The following NRXN3 variants were observed in gnomAD, a reference collection of about 807,000 sequenced individuals.
NRXN3 encodes neurexin 3, also known as neurexin III.
NRXN3 carries 32 observed loss-of-function variants against 137.6 expected under a neutral mutation model. That is an observed-to-expected ratio of 0.23 (90% CI 0.18 to 0.31). NRXN3 has a LOEUF of 0.31. NRXN3 is among the 10% of genes least tolerant of loss of function. The probability of loss-of-function intolerance (pLI) is 1.00; values close to 1 mark genes in which losing one functional copy is unlikely to be tolerated. For missense variants in NRXN3, 1,574 were observed against 2,062.5 expected, an observed-to-expected ratio of 0.76 and a Z score of 4.59; for synonymous variants, 798 against 784.5, an observed-to-expected ratio of 1.02 and a Z score of -0.29.
chr14:79,459,667 T>C (rs1282832649), intron 15 of NRXN3, among the ~76,000 whole-genome samples: 1 of 151,910 alleles, frequency 6.6e-6, no homozygotes, highest in Admixed American at 6.6e-5. Flanking sequence ...AAGTGAAAAA[T>C]ATAGAGTTTT....
At chr14:78,994,182 G>A (rs752888237) in intron 15 of NRXN3, among the ~76,000 whole-genome samples, 5 of 152,018 alleles carry the variant, frequency 3.3e-5, no homozygotes, top group Non-Finnish European at 7.4e-5. Context: ...TAGGTTCAAA[G>A]CAAACATGGT....
At chr14:79,522,734 G>A (rs77277722) in intron 16 of NRXN3, among the ~76,000 whole-genome samples, 2,397 of 152,130 alleles carry the variant, frequency 0.016, 30 homozygotes, top group East Asian at 0.054. Flanking sequence ...CTGTGATCTC[G>A]CAGTTTCAAG....
intron 15 of NRXN3, among the ~76,000 whole-genome samples, chr14:79,223,753 T>G (rs1261080688): frequency 6.6e-6 from 1 of 152,142 alleles, no homozygotes; most frequent in Admixed American, 6.6e-5. Context: ...TTACAGATTA[T>G]CAACATTATA....
intron 10 of NRXN3, 108 bp downstream of exon 10, chr14:78,810,452 T>G: frequency 3.1e-6 from 1 of 320,176 alleles, no homozygotes; most frequent in Non-Finnish European, 5.0e-6. Flanking sequence ...TATTTTTTCT[T>G]TTAACAATGG....
intron 16 of NRXN3, among the ~76,000 whole-genome samples, chr14:79,491,396 C>T (rs1268920450): frequency 6.6e-6 from 1 of 152,086 alleles, no homozygotes; most frequent in Non-Finnish European, 1.5e-5. Flanking sequence ...AAGATGAAAC[C>T]AAGAGATTGT....
chr14:79,059,250 CTTT>C (rs869266975), intron 15 of NRXN3, among the ~76,000 whole-genome samples: 17 of 78,286 alleles, frequency 2.2e-4, no homozygotes, highest in African/African-American at 5.1e-4. Flanking sequence ...AGGCCCTATT[CTTT>C]TTTTTTTTTT....
intron 4 of NRXN3, among the ~76,000 whole-genome samples, chr14:78,509,804 A>G (rs1599660851): frequency 6.6e-6 from 1 of 151,820 alleles, no homozygotes; most frequent in African/African-American, 2.4e-5. Context: ...ACCTGCTTGA[A>G]CCCCAGCATG....
At chr14:78,193,418 G>T (rs921354809) in intron 1 of NRXN3, among the ~76,000 whole-genome samples, 10 of 152,122 alleles carry the variant, frequency 6.6e-5, no homozygotes, top group African/African-American at 2.4e-4. Flanking sequence ...AAGAGTCAGG[G>T]CAGTGTTAGG....
At position 78,542,789 on chromosome 14, in the gene NRXN3, A is replaced by C. The variant is rs140396862; in HGVS notation, c.758-102331A>C. ...CTGCATCGATCACACTGGGAGCTGC[A>C]GACTGGAGCTGTTACTATTTGGCCA... On this transcript the variant is annotated intron_variant, in intron 4 of 20. Coordinates refer to ENST00000335750, the MANE Select transcript of NRXN3 (RefSeq NM_001330195.2). 4.0e-3 allele frequency among the ~76,000 whole-genome samples: 616 copies of C among 152,310 alleles called. 3 individuals are homozygous for C. Among genetic ancestry groups the C allele is most frequent in the Non-Finnish European group, 6.7e-3 (453 of 68,026 alleles).
intron 16 of NRXN3, among the ~76,000 whole-genome samples, chr14:79,473,849 A>G (rs2096536379): frequency 6.8e-6 from 1 of 147,738 alleles, no homozygotes; most frequent in South Asian, 2.1e-4. Flanking sequence ...TTGTCTCTCC[A>G]GCTTTCAGCT....
intron 4 of NRXN3, among the ~76,000 whole-genome samples, chr14:78,434,977 A>T (rs1339062984): frequency 6.6e-6 from 1 of 152,206 alleles, no homozygotes; most frequent in Non-Finnish European, 1.5e-5. Context: ...GCAGGCGGCT[A>T]AAGCCATTCA....
chr14:78,381,533 A>G (rs969440867), intron 4 of NRXN3, among the ~76,000 whole-genome samples: 1 of 152,168 alleles, frequency 6.6e-6, no homozygotes, highest in Non-Finnish European at 1.5e-5. Context: ...TAAAAACTAA[A>G]CATGCAATAA....
intron 1 of NRXN3, among the ~76,000 whole-genome samples, chr14:78,188,213 T>G (rs1194013369): frequency 6.6e-6 from 1 of 152,134 alleles, no homozygotes; most frequent in South Asian, 2.1e-4. Context: ...AGAAAAAGAT[T>G]GTAGTCTAAC....
chr14:78,649,778 G>A (rs897496316), intron 5 of NRXN3, among the ~76,000 whole-genome samples: 2 of 151,092 alleles, frequency 1.3e-5, no homozygotes, highest in South Asian at 2.1e-4. Flanking sequence ...ATATGGCCAC[G>A]GCTGCCACAG....
intron 15 of NRXN3, among the ~76,000 whole-genome samples, chr14:79,085,872 A>G (rs2152779848): frequency 6.6e-6 from 1 of 152,302 alleles, no homozygotes; most frequent in East Asian, 1.9e-4. Context: ...TGGTTTCCCT[A>G]TGGGCGGATA....
intron 4 of NRXN3, among the ~76,000 whole-genome samples, chr14:78,304,759 G>A (rs549077437): frequency 1.3e-5 from 2 of 152,298 alleles, no homozygotes; most frequent in South Asian, 2.1e-4. Flanking sequence ...TGTAAGAGAA[G>A]CAATAGGTCA....
intron 10 of NRXN3, among the ~76,000 whole-genome samples, chr14:78,922,923 A>G (rs1344804462): frequency 6.6e-6 from 1 of 152,208 alleles, no homozygotes; most frequent in Non-Finnish European, 1.5e-5. Flanking sequence ...AGTTTTGCAG[A>G]CATTGTCACA....
intron 16 of NRXN3, among the ~76,000 whole-genome samples, chr14:79,512,355 T>C (rs1402752905): frequency 6.6e-6 from 1 of 152,192 alleles, no homozygotes; most frequent in African/African-American, 2.4e-5. Flanking sequence ...ATCCATAAAA[T>C]GGAGATAATT....
intron 10 of NRXN3, among the ~76,000 whole-genome samples, chr14:78,937,367 C>T (rs929683451): frequency 6.6e-6 from 1 of 152,100 alleles, no homozygotes; most frequent in Admixed American, 6.6e-5. Context: ...GATGCCTCTG[C>T]TGCTGAAATT....
Sources: gnomAD v4.1 joint callset for allele counts (sites outside exome capture counted in the v4.1 genomes callset) on GRCh38, gnomAD v4.1.1 for gene constraint, MANE v1.5 for transcripts, NCBI Gene and HGNC (gene_info 2026-07-23, HGNC 2026-07-21) for gene names.